Variants in CWC27 observed in about 807,000 individuals in gnomAD.
CWC27 encodes CWC27 spliceosome associated cyclophilin, also known as spliceosome-associated protein CWC27 homolog.
Under a neutral mutation model 63.6 loss-of-function variants are expected in CWC27, and 47 were observed. That is an observed-to-expected ratio of 0.74 (90% CI 0.58 to 0.94). The LOEUF is 0.94. Among genes scored for constraint, CWC27 ranks in the 40% least tolerant of loss-of-function variants. The pLI is 0.00. For synonymous variants in CWC27, 175 were observed against 179.8 expected, an observed-to-expected ratio of 0.97 and a Z score of 0.22; for missense variants, 495 against 554.3, an observed-to-expected ratio of 0.89 and a Z score of 1.07.
intron 10 of CWC27, among the ~76,000 whole-genome samples, chr5:64,877,635 A>T (rs1019261389): frequency 1.3e-5 from 2 of 152,020 alleles, no homozygotes; most frequent in African/African-American, 4.8e-5. Context: ...ACCATTACGT[A>T]TTCTATAGCT....
chr5:64,990,837 T>G (rs900571337), intron 13 of CWC27, among the ~76,000 whole-genome samples: 1 of 152,258 alleles, frequency 6.6e-6, no homozygotes. Flanking sequence ...CTAGTGATAT[T>G]AAAATCTTTC....
intron 11 of CWC27, among the ~76,000 whole-genome samples, 153 bp downstream of exon 11, chr5:64,885,699 GT>G (rs1747056767): frequency 1.7e-3 from 7 of 4,126 alleles, no homozygotes; most frequent in Admixed American, 2.3e-3. Context: ...TTGAGTTAGG[GT>G]GTGTGTGTGT....
At position 64,880,853 on chromosome 5, in the gene CWC27, C is replaced by CTTTT. The variant is rs571051416; in HGVS notation, c.939-4590_939-4589insTTTT. Among the ~76,000 whole-genome samples, 582 of 135,966 alleles carry CTTTT rather than the reference C, an allele frequency of 4.3e-3. 15 individuals carry two copies. Among genetic ancestry groups the CTTTT allele is most frequent in the East Asian group, 8.5e-3 (37 of 4,368 alleles). 89.2% of individuals were successfully genotyped at this position (135,966 alleles called of 152,430 possible). A position where few individuals can be genotyped will look rare whatever the true frequency, so the allele number is the denominator to read the frequency against. ...AGAGTTAGTAACAGTTTATAAAAGC[C>CTTTT]ATTTTTTTTTTTTTTTTTTTTACCA... On this transcript the variant is annotated intron_variant, in intron 10 of 13. Coordinates refer to ENST00000381070, the MANE Select transcript of CWC27 (RefSeq NM_005869.4).
intron 1 of CWC27, among the ~76,000 whole-genome samples, chr5:64,769,542 A>G (rs150010582): frequency 2.0e-5 from 3 of 152,246 alleles, no homozygotes; most frequent in African/African-American, 7.2e-5. Context: ...TTCTTCTACA[A>G]TCATTAATTG....
chr5:64,821,583 G>T (rs1164152076), intron 10 of CWC27, among the ~76,000 whole-genome samples: 2 of 152,130 alleles, frequency 1.3e-5, no homozygotes, highest in Admixed American at 1.3e-4. Flanking sequence ...ATCTTCTACT[G>T]CAGGGAACAT....
intron 11 of CWC27, among the ~76,000 whole-genome samples, chr5:64,959,707 G>A (rs1748867391): frequency 1.3e-5 from 2 of 152,174 alleles, no homozygotes; most frequent in African/African-American, 4.8e-5. Context: ...AGGGCCCTAA[G>A]GCCCTACAAG....
At chr5:64,960,357 T>C (rs547265197) in intron 11 of CWC27, among the ~76,000 whole-genome samples, 2 of 152,304 alleles carry the variant, frequency 1.3e-5, no homozygotes, top group South Asian at 2.1e-4. Context: ...CGTTTTCTCA[T>C]TGGCAAAATG....
chr5:64,792,171 C>T (rs1178915190), intron 7 of CWC27, among the ~76,000 whole-genome samples: 4 of 152,098 alleles, frequency 2.6e-5, no homozygotes, highest in East Asian at 1.9e-4. Context: ...TCTGCTCTTT[C>T]GACTAGTACT....
chr5:64,934,602 T>C (rs554957032), intron 11 of CWC27, among the ~76,000 whole-genome samples: 34 of 152,164 alleles, frequency 2.2e-4, no homozygotes, highest in Non-Finnish European at 4.9e-4. Flanking sequence ...ATTTATAATC[T>C]GTTGGGTATA....
intron 10 of CWC27, among the ~76,000 whole-genome samples, chr5:64,861,982 T>G (rs1746423611): frequency 6.6e-6 from 1 of 152,222 alleles, no homozygotes; most frequent in Non-Finnish European, 1.5e-5. Flanking sequence ...GGTATGAGGA[T>G]TTAAAAATCC....
At chr5:64,915,351 G>C (rs905867730) in intron 11 of CWC27, among the ~76,000 whole-genome samples, 4 of 152,176 alleles carry the variant, frequency 2.6e-5, no homozygotes, top group African/African-American at 9.6e-5. Flanking sequence ...CGTAGGGAAA[G>C]ATAATGGTTA....
intron 10 of CWC27, among the ~76,000 whole-genome samples, chr5:64,858,513 A>G (rs906629941): frequency 6.6e-6 from 1 of 151,182 alleles, no homozygotes; most frequent in African/African-American, 2.4e-5. Context: ...CCACAGATTC[A>G]GAGAAAATAT....
intron 10 of CWC27, 143 bp downstream of exon 10, chr5:64,804,529 A>G: frequency 1.3e-6 from 1 of 782,748 alleles, no homozygotes; most frequent in Non-Finnish European, 1.9e-6. Context: ...AAATTGGCCC[A>G]TTAGCAGGCC....
chr5:64,954,105 A>G (rs1235369869), intron 11 of CWC27, among the ~76,000 whole-genome samples: 7 of 152,196 alleles, frequency 4.6e-5, no homozygotes, highest in Non-Finnish European at 2.9e-5. Context: ...TAAATAAGAC[A>G]GAAAAGTCTC....
In CWC27 at chr5:65,018,165, A is replaced by C; in HGVS notation, c.1263A>C (p.Ser421=). The C allele has an allele frequency of 6.3e-7, 1 of 1,594,638 alleles. No homozygotes were observed. Among genetic ancestry groups the C allele is most frequent in the Non-Finnish European group, 8.5e-7 (1 of 1,174,522 alleles). The change falls in exon 14 of 14, where the codon TCA becomes TCC. Residue 421 remains serine, a synonymous_variant. Transcript: ENST00000381070. ...CATCTCTCTCCCTATTTAGGATGTC[A>C]CATGTACTTCAGTTTGAGGATAAAA... ...TEVEDDEGWM[S]HVLQFEDKSR...
At chr5:64,929,951 AC>A (rs1357477591) in intron 11 of CWC27, among the ~76,000 whole-genome samples, 40 of 152,124 alleles carry the variant, frequency 2.6e-4, no homozygotes, top group African/African-American at 9.6e-4. Flanking sequence ...TTCACAATAA[AC>A]AAAAAAGGGA....
chr5:64,983,822 C>A (rs1189853228), intron 13 of CWC27, among the ~76,000 whole-genome samples: 2 of 151,914 alleles, frequency 1.3e-5, no homozygotes, highest in African/African-American at 2.4e-5. Context: ...TAAATATATT[C>A]TTTTACTTTT....
Position 64,902,380 on chromosome 5 carries a change from A to G in CWC27, c.1042+16834A>G, listed in dbSNP as rs1054846895. Among the ~76,000 whole-genome samples, 4 of 152,200 alleles carry G rather than the reference A, an allele frequency of 2.6e-5. No homozygotes were observed. In the South Asian group the frequency reaches 6.2e-4, roughly 24 times the overall value. On this transcript the variant is annotated intron_variant, in intron 11 of 13. Coordinates refer to ENST00000381070, the MANE Select transcript of CWC27 (RefSeq NM_005869.4). ...TTTGCAGTCCATTAGTTACTGAAAC[A>G]TTGTTAAATAGGGCATGACTGTAGT...
chr5:64,937,722 G>T (rs1748385299), intron 11 of CWC27, among the ~76,000 whole-genome samples: 2 of 152,112 alleles, frequency 1.3e-5, no homozygotes. Flanking sequence ...TATTATGTGG[G>T]AGTCTAAATC....
Sources: gnomAD v4.1 joint callset for allele counts (sites outside exome capture counted in the v4.1 genomes callset) on GRCh38, gnomAD v4.1.1 for gene constraint, MANE v1.5 for transcripts, NCBI Gene and HGNC (gene_info 2026-07-23, HGNC 2026-07-21) for gene names.